The following ANO10 variants were observed in gnomAD, a reference collection of about 807,000 sequenced individuals.
ANO10 encodes anoctamin-10.
ANO10 carries 77 observed loss-of-function variants against 74.7 expected under a neutral mutation model. The observed-to-expected ratio is 1.03, with a 90% CI of 0.86 to 1.25. The LOEUF (loss-of-function observed/expected upper bound fraction) is 1.25, where lower values mean the gene tolerates loss of function less well. ANO10 is among the 50% of genes most tolerant of loss of function. The probability of loss-of-function intolerance (pLI) is 0.00; values close to 1 mark genes in which losing one functional copy is unlikely to be tolerated. For missense variants in ANO10, 721 were observed against 778.1 expected, an observed-to-expected ratio of 0.93 and a Z score of 0.87; for synonymous variants, 279 against 284.9, an observed-to-expected ratio of 0.98 and a Z score of 0.21.
chr3:43,555,159 AC>A (rs2079676774), intron 10 of ANO10, 118 bp downstream of exon 10: 2 of 1,049,340 alleles, frequency 1.9e-6, no homozygotes, highest in South Asian at 1.4e-5. Context: ...TTGTAGCCAA[AC>A]AAACAAATTC....
At chr3:43,415,577 G>A (rs112110781) in intron 12 of ANO10, among the ~76,000 whole-genome samples, 6 of 149,968 alleles carry the variant, frequency 4.0e-5, no homozygotes, top group African/African-American at 1.2e-4. Flanking sequence ...TTGCTCTGTC[G>A]CCCAGGCTGG....
intron 11 of ANO10, among the ~76,000 whole-genome samples, chr3:43,443,679 CTT>C (rs59685910): frequency 6.6e-5 from 8 of 122,016 alleles, no homozygotes; most frequent in Admixed American, 9.0e-5. Flanking sequence ...TTCCTTCCTT[CTT>C]TTTTTTTTTT....
chr3:43,481,230 C>G (rs1446283126), intron 11 of ANO10, among the ~76,000 whole-genome samples: 2 of 152,004 alleles, frequency 1.3e-5, no homozygotes, highest in Non-Finnish European at 2.9e-5. Context: ...TGTTATTACT[C>G]TTAAAGGAAT....
intron 7 of ANO10, among the ~76,000 whole-genome samples, chr3:43,568,011 A>C (rs2080467954): frequency 6.6e-6 from 1 of 151,756 alleles, no homozygotes; most frequent in South Asian, 2.1e-4. Context: ...AATGGAAAAC[A>C]AAAAAAGGCA....
chr3:43,473,464 G>A lies in ANO10; in HGVS notation c.1798-40737C>T, dbSNP rs976080141. ...AGCCCTACAGGCACAGTCAGAGAGAGCATGACCACCCCTGTGCTCTCAGTG... is the reference window on the plus strand; with the variant it reads ...AGCCCTACAGGCACAGTCAGAGAGAACATGACCACCCCTGTGCTCTCAGTG... On this transcript the variant is annotated intron_variant, in intron 11 of 12. Coordinates refer to ENST00000292246, the MANE Select transcript of ANO10 (RefSeq NM_018075.5). Among the ~76,000 whole-genome samples, 4 of 152,148 alleles carry A rather than the reference G, an allele frequency of 2.6e-5. No homozygotes were observed. In the East Asian group the frequency reaches 7.7e-4, roughly 29 times the overall value.
intron 11 of ANO10, among the ~76,000 whole-genome samples, chr3:43,499,403 T>C (rs1398230187): frequency 6.6e-6 from 1 of 151,620 alleles, no homozygotes; most frequent in African/African-American, 2.4e-5. Flanking sequence ...CTAGGGAGGG[T>C]TTGGCAGAGG....
At chr3:43,561,532 A>G in intron 8 of ANO10, 130 bp from the exon 9 acceptor site, 1 of 863,048 alleles carries the variant, frequency 1.2e-6, no homozygotes, top group South Asian at 1.7e-5. Flanking sequence ...ATAAAATGGA[A>G]TCTTCAATAA....
intron 1 of ANO10, chr3:43,618,118 G>A (rs962869718): frequency 3.3e-5 from 5 of 152,238 alleles, no homozygotes; most frequent in African/African-American, 1.2e-4. Flanking sequence ...AGACAGACGT[G>A]AGAATGGAGA....
At chr3:43,375,325 G>C (rs1275560836) in intron 12 of ANO10, among the ~76,000 whole-genome samples, 1 of 152,000 alleles carries the variant, frequency 6.6e-6, no homozygotes, top group Non-Finnish European at 1.5e-5. Context: ...GCGGGCGCCT[G>C]TAATCCCAGC....
chr3:43,413,155 C>T (rs2092690125), intron 12 of ANO10, among the ~76,000 whole-genome samples: 1 of 152,206 alleles, frequency 6.6e-6, no homozygotes, highest in African/African-American at 2.4e-5. Flanking sequence ...TTCTTCTCAT[C>T]CTACTTTTTA....
At chr3:43,596,286 A>G (rs2082080319) in intron 4 of ANO10, among the ~76,000 whole-genome samples, 1 of 152,224 alleles carries the variant, frequency 6.6e-6, no homozygotes, top group South Asian at 2.1e-4. Context: ...TGGAACCAAA[A>G]AAGAACCCGC....
At chr3:43,456,421 A>G (rs2075129907) in intron 11 of ANO10, among the ~76,000 whole-genome samples, 1 of 152,244 alleles carries the variant, frequency 6.6e-6, no homozygotes, top group Non-Finnish European at 1.5e-5. Context: ...ACAAAGAAGC[A>G]AACACAACGC....
chr3:43,666,406 A>G (rs183764850), intron 1 of ANO10, among the ~76,000 whole-genome samples: 104 of 152,340 alleles, frequency 6.8e-4, no homozygotes, highest in African/African-American at 2.3e-3. Context: ...TTGTTAAAAT[A>G]GCTAAAAATT....
intron 1 of ANO10, among the ~76,000 whole-genome samples, chr3:43,678,264 C>T (rs972592356): frequency 8.5e-5 from 13 of 152,130 alleles, no homozygotes; most frequent in African/African-American, 2.9e-4. Flanking sequence ...TATGGGCATT[C>T]GAACGGTTTC....
intron 1 of ANO10, among the ~76,000 whole-genome samples, chr3:43,614,087 T>C (rs2149522046): frequency 6.6e-6 from 1 of 152,250 alleles, no homozygotes; most frequent in South Asian, 2.1e-4. Context: ...GGAAAGAATG[T>C]CTAGTTTAAG....
At chr3:43,565,603 A>G (rs2080272257) in intron 8 of ANO10, 50 bp downstream of exon 8, 2 of 1,394,426 alleles carry the variant, frequency 1.4e-6, no homozygotes, top group Non-Finnish European at 2.0e-6. Flanking sequence ...AAGATAGAAA[A>G]CCACCTCTAT....
At chr3:43,482,981 A>G (rs888002259) in intron 11 of ANO10, among the ~76,000 whole-genome samples, 4 of 152,204 alleles carry the variant, frequency 2.6e-5, no homozygotes, top group African/African-American at 9.6e-5. Context: ...ATCCATGAAA[A>G]AGGCCATGGA....
chr3:43,368,775 G>C (rs1327817962), intron 12 of ANO10, among the ~76,000 whole-genome samples: 1 of 150,950 alleles, frequency 6.6e-6, no homozygotes, highest in East Asian at 1.9e-4. Flanking sequence ...TCGAACTCCT[G>C]GGCTCAAGGG....
At chr3:43,486,742 T>C (rs1305518670) in intron 11 of ANO10, among the ~76,000 whole-genome samples, 1 of 151,906 alleles carries the variant, frequency 6.6e-6, no homozygotes, top group Non-Finnish European at 1.5e-5. Context: ...AATCATGTCG[T>C]CTGCAAACAG....
Sources: allele counts gnomAD v4.1 joint callset (sites outside exome capture counted in the v4.1 genomes callset), GRCh38; gene constraint gnomAD v4.1.1; transcripts MANE v1.5; gene names NCBI Gene and HGNC (gene_info 2026-07-23, HGNC 2026-07-21).